The following TRAPPC8 variants were observed in gnomAD, a reference collection of about 807,000 sequenced individuals.
The protein encoded by TRAPPC8 is trafficking protein particle complex subunit 8, also known as general sporulation gene 1 homolog.
Under a neutral mutation model 174.3 loss-of-function variants are expected in TRAPPC8, and 54 were observed. The ratio of observed to expected loss-of-function variants is 0.31; its 90% CI spans 0.25 to 0.39. TRAPPC8 has a LOEUF of 0.39. TRAPPC8 is among the 10% of genes least tolerant of loss of function. The pLI is 1.00. For synonymous variants in TRAPPC8, 630 were observed against 579.9 expected, an observed-to-expected ratio of 1.09 and a Z score of -1.24; for missense variants, 1,531 against 1,699.1, an observed-to-expected ratio of 0.90 and a Z score of 1.74.
At chr18:31,843,101 GA>G (rs879912320) in intron 26 of TRAPPC8, among the ~76,000 whole-genome samples, 1 of 151,960 alleles carries the variant, frequency 6.6e-6, no homozygotes, top group Non-Finnish European at 1.5e-5. Context: ...AATTCTTAAG[GA>G]AAAATGTTTC....
chr18:31,869,478 G>C (rs1185801132), intron 16 of TRAPPC8, among the ~76,000 whole-genome samples: 1 of 152,070 alleles, frequency 6.6e-6, no homozygotes, highest in African/African-American at 2.4e-5. Context: ...AAACCAGCAG[G>C]GCACTACAAT....
chr18:31,846,662 C>T (rs1385890346), intron 26 of TRAPPC8, 54 bp downstream of exon 26: 32 of 1,351,692 alleles, frequency 2.4e-5, no homozygotes, highest in Admixed American at 4.3e-5. Context: ...CAAACAACAA[C>T]AAAAAAAAAC....
chr18:31,915,522 G>C lies in TRAPPC8; in HGVS notation c.617+750C>G, dbSNP rs568575462. ...CCCGCCTGTCATCCCAGCACCTTGG[G>C]AGGCCGAGGCGGGCAGATTACTGAG... On this transcript the variant is annotated intron_variant, in intron 4 of 28. Coordinates refer to ENST00000283351, the MANE Select transcript of TRAPPC8 (RefSeq NM_014939.5). 9.2e-5 allele frequency among the ~76,000 whole-genome samples: 14 copies of C among 151,550 alleles called. No individual in the cohort carries two copies. In the East Asian group the frequency reaches 2.5e-3, roughly 27 times the overall value.
chr18:31,884,811 AC>A (rs1235789044), intron 12 of TRAPPC8, among the ~76,000 whole-genome samples: 1 of 151,634 alleles, frequency 6.6e-6, no homozygotes, highest in African/African-American at 2.4e-5. Context: ...GTTTGAGACC[AC>A]GCTGGGCAAC....
intron 18 of TRAPPC8, among the ~76,000 whole-genome samples, chr18:31,866,350 T>G (rs1299764958): frequency 1.3e-5 from 2 of 152,166 alleles, no homozygotes; most frequent in South Asian, 4.1e-4. Flanking sequence ...CAAAAATGTG[T>G]AGAACATACT....
chr18:31,833,128 C>G (rs551159951), intron 27 of TRAPPC8: 10 of 152,304 alleles, frequency 6.6e-5, no homozygotes, highest in African/African-American at 2.4e-4. Context: ...GCAAGAAGGG[C>G]AACAAAGACT....
chr18:31,859,533 C>CA (rs2034212973), intron 19 of TRAPPC8, among the ~76,000 whole-genome samples: 1 of 140,638 alleles, frequency 7.1e-6, no homozygotes. Context: ...GCTGCATTAA[C>CA]AAAAAGTGAA....
chr18:31,914,645 T>C (rs1475600286), intron 4 of TRAPPC8, among the ~76,000 whole-genome samples: 5 of 152,222 alleles, frequency 3.3e-5, no homozygotes, highest in African/African-American at 1.2e-4. Context: ...TGGTGGTCCA[T>C]GCTCAGGACA....
chr18:31,934,967 T>TAAATAAAA (rs1455037163), intron 1 of TRAPPC8, among the ~76,000 whole-genome samples: 1 of 150,126 alleles, frequency 6.7e-6, no homozygotes, highest in Non-Finnish European at 1.5e-5. Flanking sequence ...AATAAATAAA[T>TAAATAAAA]AAATAAATAA....
chr18:31,864,714 G>C lies in TRAPPC8; in HGVS notation c.2658C>G (p.Asn886Lys). The C allele has an allele frequency of 6.2e-7, 1 of 1,612,964 alleles. No homozygotes were observed. Among genetic ancestry groups the C allele is most frequent in the East Asian group, 2.2e-5 (1 of 44,732 alleles). ...CAGATGTTTTCTCTTCTTTTGTGTT[G>C]TTAAGTCGAGGACCTTGAATTTCTA... ...QDLEIQGPRL[N>K]NTKEEKTSVK... The change falls in exon 19 of 29, where the codon AAC becomes AAG. Residue 886 changes from asparagine to lysine, a missense_variant. Transcript: ENST00000283351.
chr18:31,895,525 T>C (rs568421926), intron 11 of TRAPPC8, among the ~76,000 whole-genome samples: 1 of 151,558 alleles, frequency 6.6e-6, no homozygotes. Context: ...AAACAAAGAG[T>C]TGGAAAGAAG....
chr18:31,942,749 G>A lies in TRAPPC8; in HGVS notation c.16C>T (p.Gln6Ter). 1 of 1,549,544 alleles carries A rather than the reference G, an allele frequency of 6.5e-7. No homozygotes were observed. The highest frequency in any genetic ancestry group is 8.7e-7 in the Non-Finnish European group (1 of 1,146,764). MAQCV[Q>*]SVQELIPDSF... Reference sequence around the variant, plus strand: ...TCCGGGATTAGCTCCTGCACTGATTGTACACACTGGGCCATCGCCGCAGCA... The same window carrying A: ...TCCGGGATTAGCTCCTGCACTGATTATACACACTGGGCCATCGCCGCAGCA... The change falls in exon 1 of 29, where the codon CAA becomes TAA. Residue 6 changes from glutamine to a stop codon, truncating the protein, a stop_gained. Transcript: ENST00000283351. LOFTEE classifies it high-confidence loss of function.
At chr18:31,886,810 G>A (rs190644870) in intron 12 of TRAPPC8, among the ~76,000 whole-genome samples, 3 of 152,128 alleles carry the variant, frequency 2.0e-5, no homozygotes, top group South Asian at 4.2e-4. Flanking sequence ...GTGAAACCAC[G>A]TCTCTACTAA....
chr18:31,871,357 A>C (rs756556951), intron 14 of TRAPPC8, among the ~76,000 whole-genome samples: 89 of 152,124 alleles, frequency 5.9e-4, no homozygotes, highest in Non-Finnish European at 9.7e-4. Context: ...TCGTGTCCAC[A>C]AGCAATTTTT....
intron 27 of TRAPPC8, among the ~76,000 whole-genome samples, chr18:31,836,122 G>C (rs1192271159): frequency 6.6e-6 from 1 of 152,162 alleles, no homozygotes; most frequent in African/African-American, 2.4e-5. Context: ...AATAGAGATG[G>C]ACATGGGTAT....
At position 31,857,475 on chromosome 18, in the gene TRAPPC8, T is replaced by G. The variant is rs188775766; in HGVS notation, c.3188+65A>C. Reference sequence around the variant, plus strand: ...AACATGTTAGTAAATATCAAAATGTTTATCTGAATATGTGCATATACATTG... The same window carrying G: ...AACATGTTAGTAAATATCAAAATGTGTATCTGAATATGTGCATATACATTG... On this transcript the variant is annotated intron_variant, in intron 20 of 28. Transcript: ENST00000283351. 1.1e-5 allele frequency: 14 copies of G among 1,269,186 alleles called. No individual in the cohort carries two copies. In the East Asian group the frequency reaches 3.0e-4, roughly 27 times the overall value. The allele number at this position is 1,269,186 out of a possible 1,614,324, so 78.6% of individuals were successfully genotyped here. A position where few individuals can be genotyped will look rare whatever the true frequency, so the allele number is the denominator to read the frequency against.
intron 1 of TRAPPC8, 143 bp downstream of exon 1, chr18:31,942,465 G>T: frequency 8.9e-7 from 1 of 1,121,878 alleles, no homozygotes. Flanking sequence ...CGCCCCCGGA[G>T]CACCGCGGGG....
chr18:31,835,889 C>G (rs2032684664), intron 27 of TRAPPC8, among the ~76,000 whole-genome samples: 1 of 152,230 alleles, frequency 6.6e-6, no homozygotes, highest in Non-Finnish European at 1.5e-5. Context: ...CCAGAACATA[C>G]TCCAGGTAGC....
intron 12 of TRAPPC8, among the ~76,000 whole-genome samples, chr18:31,888,446 T>G (rs1471333646): frequency 2.0e-5 from 3 of 152,186 alleles, no homozygotes; most frequent in African/African-American, 7.2e-5. Flanking sequence ...GGCAGGAGAA[T>G]TCTGTTTTAT....
Sources: gnomAD v4.1 joint callset for allele counts (sites outside exome capture counted in the v4.1 genomes callset) on GRCh38, gnomAD v4.1.1 for gene constraint, MANE v1.5 for transcripts, NCBI Gene and HGNC (gene_info 2026-07-23, HGNC 2026-07-21) for gene names.